The following GIPC2 variants were observed in gnomAD, a reference collection of about 807,000 sequenced individuals.
GIPC2 encodes the protein PDZ domain-containing protein GIPC2.
Under a neutral mutation model 30.6 loss-of-function variants are expected in GIPC2, and 30 were observed. The ratio of observed to expected loss-of-function variants is 0.98; its 90% CI spans 0.73 to 1.33. The LOEUF is 1.33. Ranked by LOEUF, GIPC2 falls within the 40% of genes most tolerant of loss-of-function variation. GIPC2 has a pLI of 0.00. For synonymous variants in GIPC2, 167 were observed against 150.0 expected (o/e 1.11, Z -0.83); for missense variants, 414 against 390.3 (o/e 1.06, Z -0.51).
chr1:78,089,838 T>C (rs911114585), intron 2 of GIPC2, among the ~76,000 whole-genome samples: 1 of 152,192 alleles, frequency 6.6e-6, no homozygotes, highest in Non-Finnish European at 1.5e-5. Context: ...AGATGGTAAA[T>C]ATTTTGTGCT....
chr1:78,087,663 A>T (rs1050576157), intron 2 of GIPC2, among the ~76,000 whole-genome samples: 3 of 152,234 alleles, frequency 2.0e-5, no homozygotes, highest in African/African-American at 7.2e-5. Flanking sequence ...AAAACTCTGG[A>T]AGACAATGTA....
chr1:78,107,193 C>G (rs1662371055), intron 3 of GIPC2, among the ~76,000 whole-genome samples: 1 of 151,646 alleles, frequency 6.6e-6, no homozygotes, highest in Non-Finnish European at 1.5e-5. Context: ...TCCAGGGTCT[C>G]ACTCTCTGAG....
intron 5 of GIPC2, among the ~76,000 whole-genome samples, chr1:78,132,664 G>A (rs1221972354): frequency 2.6e-5 from 1 of 38,802 alleles, no homozygotes; most frequent in South Asian, 9.2e-4. Flanking sequence ...TATAGCCAAG[G>A]ATGTGTGTGT....
At chr1:78,081,004 T>A (rs1661817210) in intron 2 of GIPC2, 144 bp downstream of exon 2, 3 of 498,506 alleles carry the variant, frequency 6.0e-6, no homozygotes, top group Non-Finnish European at 7.1e-6. Flanking sequence ...ACTTTCATTT[T>A]AAAAATGTTC....
intron 1 of GIPC2, among the ~76,000 whole-genome samples, chr1:78,068,075 A>G (rs961846261): frequency 1.3e-5 from 2 of 152,108 alleles, no homozygotes; most frequent in African/African-American, 2.4e-5. Flanking sequence ...GGGCAATAAT[A>G]CAATTTATTC....
intron 3 of GIPC2, among the ~76,000 whole-genome samples, chr1:78,098,271 T>G (rs1010328321): frequency 6.6e-6 from 1 of 152,164 alleles, no homozygotes; most frequent in African/African-American, 2.4e-5. Context: ...TATCTAGAGA[T>G]GATGACAGCA....
intron 3 of GIPC2, among the ~76,000 whole-genome samples, chr1:78,110,628 C>G (rs545841419): frequency 7.9e-5 from 12 of 152,324 alleles, no homozygotes; most frequent in African/African-American, 2.6e-4. Flanking sequence ...TGAGAGTTGC[C>G]TAGGTGGGAG....
chr1:78,051,279 A>G (rs1459500797), intron 1 of GIPC2, among the ~76,000 whole-genome samples: 1 of 152,162 alleles, frequency 6.6e-6, no homozygotes, highest in Non-Finnish European at 1.5e-5. Context: ...GATAAATTTT[A>G]TAGTTAGAAA....
chr1:78,103,043 C>A (rs998910306), intron 3 of GIPC2, among the ~76,000 whole-genome samples: 2 of 152,194 alleles, frequency 1.3e-5, no homozygotes, highest in African/African-American at 4.8e-5. Context: ...TTAGTCCTTA[C>A]AACCAACCTA....
intron 1 of GIPC2, among the ~76,000 whole-genome samples, chr1:78,050,981 C>G (rs114110282): frequency 1.7e-4 from 26 of 152,148 alleles, no homozygotes; most frequent in African/African-American, 6.0e-4. Flanking sequence ...AACTCTCGAG[C>G]TATGGTCATA....
At chr1:78,112,506 C>T (rs1205877937) in intron 3 of GIPC2, 7 of 518,898 alleles carry the variant, frequency 1.3e-5, no homozygotes, top group Non-Finnish European at 2.3e-5. Flanking sequence ...GGTCTCTGCC[C>T]AGGCCCCATA....
At chr1:78,115,586 T>C (rs585072) in intron 3 of GIPC2, among the ~76,000 whole-genome samples, 33,068 of 152,136 alleles carry the variant, frequency 0.22, 4,061 homozygotes, top group East Asian at 0.61. Flanking sequence ...CTTTGGATAC[T>C]CTTTTTGAAA....
At chr1:78,120,912 T>G (rs1662669925) in intron 4 of GIPC2, among the ~76,000 whole-genome samples, 1 of 152,204 alleles carries the variant, frequency 6.6e-6, no homozygotes, top group Non-Finnish European at 1.5e-5. Context: ...ACACTAGGAC[T>G]CTATATCTTT....
chr1:78,115,748 G>A (rs1391357577), intron 3 of GIPC2, among the ~76,000 whole-genome samples: 2 of 152,180 alleles, frequency 1.3e-5, no homozygotes, highest in African/African-American at 4.8e-5. Flanking sequence ...CAAATCATCA[G>A]CCACCATTTA....
chr1:78,075,078 G>T (rs1557533258), intron 1 of GIPC2, among the ~76,000 whole-genome samples: 1 of 152,300 alleles, frequency 6.6e-6, no homozygotes, highest in South Asian at 2.1e-4. Flanking sequence ...ATAGGACTGT[G>T]TATCAGACAG....
At chr1:78,129,061 A>G (rs1662841132) in intron 5 of GIPC2, among the ~76,000 whole-genome samples, 1 of 151,996 alleles carries the variant, frequency 6.6e-6, no homozygotes, top group South Asian at 2.1e-4. Context: ...TGCAGCTTAA[A>G]AAAAGGAAAT....
chr1:78,126,540 C>T (rs999060543), intron 5 of GIPC2, among the ~76,000 whole-genome samples: 1 of 146,100 alleles, frequency 6.8e-6, no homozygotes, highest in East Asian at 2.5e-4. Flanking sequence ...CTAATTCCAG[C>T]TGGCTTAAGG....
intron 1 of GIPC2, among the ~76,000 whole-genome samples, chr1:78,058,082 C>G (rs909798114): frequency 3.9e-5 from 6 of 152,180 alleles, no homozygotes; most frequent in African/African-American, 1.4e-4. Context: ...TTAATACCTC[C>G]TCTGTGCCAT....
intron 1 of GIPC2, among the ~76,000 whole-genome samples, chr1:78,052,095 T>C (rs1222437764): frequency 6.6e-6 from 1 of 152,204 alleles, no homozygotes; most frequent in Non-Finnish European, 1.5e-5. Flanking sequence ...CTGGTCTCCT[T>C]GAATGCTGGA....
Sources: gnomAD v4.1 joint callset for allele counts (sites outside exome capture counted in the v4.1 genomes callset) on GRCh38, gnomAD v4.1.1 for gene constraint, MANE v1.5 for transcripts, NCBI Gene and HGNC (gene_info 2026-07-23, HGNC 2026-07-21) for gene names.